The following FAT3 variants were observed in gnomAD, a reference collection of about 807,000 sequenced individuals.
The protein encoded by FAT3 is protocadherin Fat 3.
Under a neutral mutation model 310.2 loss-of-function variants are expected in FAT3, and 95 were observed. The observed-to-expected ratio is 0.31, with a 90% CI of 0.26 to 0.36. The LOEUF (loss-of-function observed/expected upper bound fraction) is 0.36, where lower values mean the gene tolerates loss of function less well. Ranked by LOEUF, FAT3 falls within the 10% of genes least tolerant of loss-of-function variation. FAT3 has a pLI of 1.00. For synonymous variants in FAT3, 2,314 were observed against 2,192.9 expected (o/e 1.06, Z -1.54); for missense variants, 5,408 against 5,715.6 (o/e 0.95, Z 1.74).
chr11:92,554,461 CAAAAAAAAAAAAAAAAAAAAA>C (rs56918849), intron 3 of FAT3, among the ~76,000 whole-genome samples: 8 of 55,028 alleles, frequency 1.5e-4, no homozygotes, highest in African/African-American at 5.1e-4. Context: ...GACTCCATCT[CAAAAAAAAAAAAAAAAAAAAA>C]AAAAAAAAAA....
chr11:92,602,463 A>G (rs1940075437), intron 3 of FAT3, among the ~76,000 whole-genome samples: 1 of 152,214 alleles, frequency 6.6e-6, no homozygotes, highest in Non-Finnish European at 1.5e-5. Context: ...AGACAGGAAC[A>G]GATTGGCCGG....
Position 92,799,619 on chromosome 11 carries a change from C to T in FAT3, c.6606C>T (p.Asn2202=). The T allele has an allele frequency of 6.2e-7, 1 of 1,613,792 alleles. No homozygotes were observed. The highest frequency in any genetic ancestry group is 8.5e-7 in the Non-Finnish European group (1 of 1,179,824). ...CTGTCAATGAAGACATCAGAATGAA[C>T]ACACCCATCCTAAGCATCAATGCCA... ...TASVNEDIRM[N]TPILSINATS... is the part of the protein sequence containing the mutation. The change falls in exon 10 of 28, where the codon AAC becomes AAT. Residue 2202 remains asparagine, a synonymous_variant. Transcript: ENST00000525166.
chr11:92,742,358 C>A (rs1945531713), intron 4 of FAT3, among the ~76,000 whole-genome samples: 1 of 152,064 alleles, frequency 6.6e-6, no homozygotes, highest in African/African-American at 2.4e-5. Flanking sequence ...CAGTGGGAAC[C>A]CCAATCAAAG....
At chr11:92,245,637 TGTGGGCC>T (rs1427182988) in intron 1 of FAT3, among the ~76,000 whole-genome samples, 23 of 152,134 alleles carry the variant, frequency 1.5e-4, no homozygotes, top group Non-Finnish European at 2.9e-4. Flanking sequence ...TTTTAGCCTT[TGTGGGCC>T]ACACTGTGTC....
Position 92,887,042 on chromosome 11 carries a change from G to C in FAT3, c.12980G>C (p.Gly4327Ala). 1 of 1,611,242 alleles carries C rather than the reference G, an allele frequency of 6.2e-7. No individual in the cohort carries two copies. Among genetic ancestry groups the C allele is most frequent in the Non-Finnish European group, 8.5e-7 (1 of 1,178,962 alleles). Residue 4327 changes from glycine (G) to alanine (A), a missense_variant, in exon 25 of 28, where the codon GGT (glycine) becomes GCT (alanine). Gly to Ala is a moderately conservative substitution (Grantham distance 60). This residue lies in a region of FAT3 where 649 missense variants were observed against 666.2 expected (regional missense o/e 0.97). Transcript: ENST00000525166. ...CCGGGAGAAGTGACCTGCTTTGCAG[G>C]TAGTAATAAAGGCAGCAACTCTGAA... is the stretch of plus-strand genomic sequence containing the variant. Reference protein sequence around the residue: ...DDPGEVTCFAGSNKGSNSEVQ... With the variant: ...DDPGEVTCFAASNKGSNSEVQ...
rs190089660 is a variant in FAT3 at position 92,410,393 on chromosome 11, G to T, written c.3292+54989G>T. Among the ~76,000 whole-genome samples the T allele has an allele frequency of 1.4e-3, 217 of 152,174 alleles. 1 individual carries two copies. Among genetic ancestry groups the T allele is most frequent in the Middle Eastern group, 3.4e-3 (1 of 294 alleles). On this transcript the variant is annotated intron_variant, in intron 2 of 27. Coordinates refer to ENST00000525166, the MANE Select transcript of FAT3 (RefSeq NM_001367949.2). The stretch of plus-strand genomic sequence containing the variant: ...ATAAAATTCAAGTACAGTGGGGAGC[G>T]GGGAGAGAGAGTAATTACTCTGGGA...
chr11:92,685,234 A>G (rs1943597662), intron 3 of FAT3, among the ~76,000 whole-genome samples: 1 of 152,234 alleles, frequency 6.6e-6, no homozygotes, highest in East Asian at 1.9e-4. Context: ...GGAATAAAAT[A>G]CATATCAAAA....
chr11:92,380,976 A>T lies in FAT3; in HGVS notation c.3292+25572A>T, dbSNP rs1949480802. ...TACTACCTCTATTTAGTTCCAAAAC[A>T]TTTTCATCACCCTACCATCACCCAT... On this transcript the variant is annotated intron_variant, in intron 2 of 27. Transcript: ENST00000525166. Among the ~76,000 whole-genome samples the T allele has an allele frequency of 2.0e-5, 3 of 152,108 alleles. No individual in the cohort carries two copies. In the South Asian group the frequency reaches 6.2e-4, roughly 32 times the overall value.
intron 3 of FAT3, among the ~76,000 whole-genome samples, chr11:92,540,967 A>G (rs1369038577): frequency 1.3e-5 from 2 of 152,152 alleles, no homozygotes; most frequent in African/African-American, 4.8e-5. Flanking sequence ...TAAAAAGGGG[A>G]AGCAAAGCCA....
At chr11:92,562,345 T>C (rs2135473377) in intron 3 of FAT3, among the ~76,000 whole-genome samples, 1 of 152,316 alleles carries the variant, frequency 6.6e-6, no homozygotes, top group Admixed American at 6.5e-5. Flanking sequence ...ATTCTGTTTC[T>C]CACGTATTTT....
At chr11:92,307,918 A>T (rs184311200) in intron 1 of FAT3, among the ~76,000 whole-genome samples, 2 of 152,058 alleles carry the variant, frequency 1.3e-5, no homozygotes. Flanking sequence ...CTTTATGAAC[A>T]TTTTTATTGA....
chr11:92,779,793 A>G (rs1368054639), intron 7 of FAT3, among the ~76,000 whole-genome samples: 3 of 152,318 alleles, frequency 2.0e-5, no homozygotes, highest in Admixed American at 2.0e-4. Context: ...GTCGAATCAC[A>G]TGAGCCCTTA....
rs1477849474 is a variant in FAT3 at position 92,294,216 on chromosome 11, T to G, written c.-17-57880T>G. On this transcript the variant is annotated intron_variant, in intron 1 of 27. Coordinates refer to ENST00000525166, the MANE Select transcript of FAT3 (RefSeq NM_001367949.2). ...GTGCATGCATGCAGAAAGAAAGAAA[T>G]AATTCTCTGGTGTGTTTCTTAAAAG... Among the ~76,000 whole-genome samples, 5 of 152,012 alleles carry G rather than the reference T, an allele frequency of 3.3e-5. 1 individual carries two copies. The highest frequency in any genetic ancestry group is 1.9e-4 in the East Asian group (1 of 5,172).
chr11:92,869,834 C>T (rs1306270494), intron 22 of FAT3, among the ~76,000 whole-genome samples: 9 of 152,110 alleles, frequency 5.9e-5, no homozygotes, highest in African/African-American at 2.2e-4. Context: ...TTCAAGAATT[C>T]CCTCTGGCTG....
chr11:92,487,679 G>C (rs573592079), intron 2 of FAT3, among the ~76,000 whole-genome samples: 5 of 152,352 alleles, frequency 3.3e-5, no homozygotes, highest in African/African-American at 1.2e-4. Context: ...GAAAATGGCA[G>C]AGACTTGAAC....
At chr11:92,762,880 A>G (rs1249401244) in intron 5 of FAT3, among the ~76,000 whole-genome samples, 1 of 152,012 alleles carries the variant, frequency 6.6e-6, no homozygotes, top group African/African-American at 2.4e-5. Flanking sequence ...GTCCCAACAA[A>G]GTCACGGTGG....
chr11:92,317,802 G>C (rs1947502311), intron 1 of FAT3, among the ~76,000 whole-genome samples: 1 of 152,152 alleles, frequency 6.6e-6, no homozygotes, highest in South Asian at 2.1e-4. Flanking sequence ...GAACCTGCTG[G>C]TCTTGAGCAG....
At chr11:92,865,338 G>A (rs943254106) in intron 21 of FAT3, among the ~76,000 whole-genome samples, 6 of 152,206 alleles carry the variant, frequency 3.9e-5, no homozygotes, top group African/African-American at 1.4e-4. Context: ...CGTTTCACAA[G>A]GACTGCTTCA....
chr11:92,539,995 C>T (rs1954387501), intron 3 of FAT3, among the ~76,000 whole-genome samples: 1 of 152,092 alleles, frequency 6.6e-6, no homozygotes, highest in Admixed American at 6.6e-5. Context: ...GAACAAAGGG[C>T]TTGACATTTT....
Sources: gnomAD v4.1 joint callset for allele counts (sites outside exome capture counted in the v4.1 genomes callset) on GRCh38, gnomAD v4.1.1 for gene constraint, gnomAD v4.1.1 regional missense constraint, MANE v1.5 for transcripts, NCBI Gene and HGNC (gene_info 2026-07-23, HGNC 2026-07-21) for gene names.